The following CFTR variants were observed in gnomAD, a reference collection of about 807,000 sequenced individuals.
The protein encoded by CFTR is cystic fibrosis transmembrane conductance regulator.
A neutral mutation model predicts 171.6 loss-of-function variants in CFTR; 181 were observed. The ratio of observed to expected loss-of-function variants is 1.05; its 90% confidence interval spans 0.93 to 1.19. The LOEUF (loss-of-function observed/expected upper bound fraction) is 1.19, where lower values mean the gene tolerates loss of function less well. CFTR is among the 50% of genes most tolerant of loss of function. The pLI is 0.00. For synonymous variants in CFTR, 583 were observed against 608.0 expected (o/e 0.96, Z 0.60); for missense variants, 1,968 against 1,734.7 (o/e 1.13, Z -2.39).
At chr7:117,614,858 T>C in intron 21 of CFTR, 145 bp downstream of exon 21, 1 of 665,328 alleles carries the variant, frequency 1.5e-6, no homozygotes, top group Non-Finnish European at 2.7e-6. Context: ...ACTGTGTATC[T>C]GTCATTAAAT....
intron 3 of CFTR, among the ~76,000 whole-genome samples, chr7:117,519,303 A>C (rs948061595): frequency 1.6e-4 from 24 of 152,094 alleles, no homozygotes; most frequent in African/African-American, 5.3e-4. Context: ...TGAATATGGA[A>C]AAATTCATTT....
At chr7:117,481,392 T>A (rs1016652347) in intron 1 of CFTR, among the ~76,000 whole-genome samples, 2 of 152,208 alleles carry the variant, frequency 1.3e-5, no homozygotes, top group African/African-American at 4.8e-5. Flanking sequence ...CAGAGAACTT[T>A]GAGGAACCTA....
chr7:117,486,032 T>G (rs1341526503), intron 1 of CFTR, among the ~76,000 whole-genome samples: 1 of 152,160 alleles, frequency 6.6e-6, no homozygotes, highest in African/African-American at 2.4e-5. Context: ...CAAGTGGGAC[T>G]GTGGGCAGAT....
rs535033297 is a variant in CFTR, at chr7:117,608,307, C to T, written c.2988+1554C>T. Among the ~76,000 whole-genome samples the T allele has an allele frequency of 3.9e-5, 6 of 152,130 alleles. No individual in the cohort carries two copies. The East Asian group carries it at 1.2e-3, about 29-fold the overall frequency. Reference sequence around the variant, plus strand: ...GCAACCTCCACCTCCTCGGTTCAAGCGATTCTCTCGCATCAGCCTCCAGAG... The same window carrying T: ...GCAACCTCCACCTCCTCGGTTCAAGTGATTCTCTCGCATCAGCCTCCAGAG... On this transcript the variant is annotated intron_variant, in intron 18 of 26. Transcript: ENST00000003084.
intron 1 of CFTR, among the ~76,000 whole-genome samples, chr7:117,498,723 C>A (rs575862789): frequency 5.3e-5 from 8 of 152,102 alleles, no homozygotes; most frequent in Middle Eastern, 3.4e-3. Flanking sequence ...ATAACTAAAG[C>A]AAAGTGGTAG....
chr7:117,597,008 T>A (rs1792140678), intron 15 of CFTR, among the ~76,000 whole-genome samples: 1 of 152,186 alleles, frequency 6.6e-6, no homozygotes, highest in Admixed American at 6.5e-5. Context: ...ATCTGCTGTC[T>A]GTAAAATGGA....
intron 3 of CFTR, among the ~76,000 whole-genome samples, chr7:117,525,248 A>G (rs1273945318): frequency 2.0e-5 from 3 of 152,094 alleles, no homozygotes; most frequent in African/African-American, 7.2e-5. Context: ...TCTGAGAGAT[A>G]GTTTGTTATA....
rs1352306979 is a variant in CFTR, at chr7:117,627,552, A to G, written c.3499A>G (p.Ile1167Val). 3 of 1,613,340 alleles carry G rather than the reference A, an allele frequency of 1.9e-6. No individual in the cohort carries two copies. The highest frequency in any genetic ancestry group is 1.7e-5 in the Admixed American group (1 of 59,936). ...MRSVSRVFKF[I>V]DMPTEGKPTK... The stretch of plus-strand genomic sequence containing the variant: ...ATCTGTGAGCCGAGTCTTTAAGTTC[A>G]TTGACATGCCAACAGAAGGTAAACC... The change falls in exon 22 of 27, where the codon ATT becomes GTT. Residue 1167 changes from isoleucine (I) to valine (V), a missense_variant. By Grantham distance (29) the Ile-to-Val change is conservative. Coordinates refer to ENST00000003084, the MANE Select transcript of CFTR (RefSeq NM_000492.4).
At chr7:117,646,685 G>T (rs1414524402) in intron 23 of CFTR, among the ~76,000 whole-genome samples, 2 of 152,084 alleles carry the variant, frequency 1.3e-5, no homozygotes, top group Admixed American at 1.3e-4. Context: ...GGCAGGAGAG[G>T]CAGGGACATG....
intron 23 of CFTR, among the ~76,000 whole-genome samples, chr7:117,649,411 T>G (rs1793049861): frequency 6.7e-6 from 1 of 149,562 alleles, no homozygotes; most frequent in Non-Finnish European, 1.5e-5. Flanking sequence ...TCTGTGTGTA[T>G]ATATACATAT....
Position 117,642,611 on chromosome 7 carries a change from G to A in CFTR, c.3873+18G>A. The stretch of plus-strand genomic sequence containing the variant: ...TACCACAGGTGAGCAAAAGGACTTA[G>A]CCAGAAAAAAGGCAACTAAATTATA... On this transcript the variant is annotated intron_variant, in intron 23 of 26. Transcript: ENST00000003084. The A allele has an allele frequency of 6.2e-7, 1 of 1,612,638 alleles. No individual in the cohort carries two copies. The highest frequency in any genetic ancestry group is 8.5e-7 in the Non-Finnish European group (1 of 1,179,192).
At chr7:117,538,375 G>A (rs929676907) in intron 7 of CFTR, among the ~76,000 whole-genome samples, 1 of 152,064 alleles carries the variant, frequency 6.6e-6, no homozygotes, top group African/African-American at 2.4e-5. Flanking sequence ...ATATTTTTAT[G>A]ACTCATAAAA....
intron 26 of CFTR, among the ~76,000 whole-genome samples, chr7:117,666,537 G>A (rs1335947388): frequency 6.6e-6 from 1 of 152,110 alleles, no homozygotes; most frequent in African/African-American, 2.4e-5. Flanking sequence ...GACCAATTTG[G>A]AATTCTTAAG....
At position 117,627,741 on chromosome 7, in the gene CFTR, A is replaced by G. The variant is rs954246847; in HGVS notation, c.3688A>G (p.Ile1230Val). 3 of 1,612,640 alleles carry G rather than the reference A, an allele frequency of 1.9e-6. No individual in the cohort carries two copies. Among genetic ancestry groups the G allele is most frequent in the African/African-American group, 1.3e-5 (1 of 75,004 alleles). ...AGGTGGAAATGCCATATTAGAGAACATTTCCTTCTCAATAAGTCCTGGCCA... is the reference window on the plus strand; with the variant it reads ...AGGTGGAAATGCCATATTAGAGAACGTTTCCTTCTCAATAAGTCCTGGCCA... ...TEGGNAILEN[I>V]SFSISPGQRV... The change falls in exon 22 of 27, where the codon ATT becomes GTT. Residue 1230 changes from isoleucine (I) to valine (V), a missense_variant. Ile to Val is a conservative substitution (Grantham distance 29). Transcript: ENST00000003084.
intron 6 of CFTR, 113 bp downstream of exon 6, chr7:117,535,524 A>ATT: frequency 1.3e-6 from 1 of 774,660 alleles, no homozygotes; most frequent in Non-Finnish European, 2.0e-6. Flanking sequence ...AGTGTCATTA[A>ATT]ATTTTTTTTT....
At chr7:117,563,047 G>A (rs771854106) in intron 11 of CFTR, among the ~76,000 whole-genome samples, 1 of 152,130 alleles carries the variant, frequency 6.6e-6, no homozygotes, top group African/African-American at 2.4e-5. Context: ...GCTTGGAAAT[G>A]TAGATATATC....
chr7:117,642,212 T>G (rs1792925282), intron 22 of CFTR, among the ~76,000 whole-genome samples: 1 of 152,216 alleles, frequency 6.6e-6, no homozygotes, highest in Admixed American at 6.5e-5. Context: ...GGGGTCCAAT[T>G]CCTTATGGCC....
intron 16 of CFTR, 99 bp from the exon 17 acceptor site, chr7:117,603,433 T>C (rs1336211613): frequency 2.2e-6 from 3 of 1,353,786 alleles, no homozygotes; most frequent in East Asian, 2.3e-5. Flanking sequence ...ATGCAAAATA[T>C]TGTATTTATT....
At chr7:117,561,823 T>C (rs909889889) in intron 11 of CFTR, among the ~76,000 whole-genome samples, 1 of 152,146 alleles carries the variant, frequency 6.6e-6, no homozygotes, top group Non-Finnish European at 1.5e-5. Context: ...GCATGGACTC[T>C]ATCTGGGTCT....
Sources: gnomAD v4.1 joint callset for allele counts (sites outside exome capture counted in the v4.1 genomes callset) on GRCh38, gnomAD v4.1.1 for gene constraint, MANE v1.5 for transcripts, NCBI Gene and HGNC (gene_info 2026-07-23, HGNC 2026-07-21) for gene names.